ST8SIA2: variants seen among roughly 807,000 people sequenced by gnomAD.
ST8SIA2 encodes the protein alpha-2,8-sialyltransferase 8B.
ST8SIA2 carries 22 observed loss-of-function variants against 37.6 expected under a neutral mutation model. The observed-to-expected ratio is 0.58, with a 90% CI of 0.42 to 0.83. ST8SIA2 has a LOEUF of 0.83. Ranked by LOEUF, ST8SIA2 falls within the 40% of genes least tolerant of loss-of-function variation. The pLI is 0.00. For synonymous variants in ST8SIA2, 205 were observed against 201.2 expected (o/e 1.02, Z -0.16); for missense variants, 382 against 484.7 (o/e 0.79, Z 1.99).
At chr15:92,419,905 C>T (rs770708029) in intron 1 of ST8SIA2, among the ~76,000 whole-genome samples, 1 of 152,142 alleles carries the variant, frequency 6.6e-6, no homozygotes, top group Non-Finnish European at 1.5e-5. Context: ...CTCGCTCTGT[C>T]GCCAGGCTGG....
In ST8SIA2 at chr15:92,464,525, T is replaced by C; in HGVS notation, c.*140T>C. 1.2e-6 allele frequency: 1 copy of C among 853,628 alleles called. No homozygotes were observed. The highest frequency in any genetic ancestry group is 1.9e-6 in the Non-Finnish European group (1 of 521,092). 52.9% of individuals were successfully genotyped at this position (853,628 alleles called of 1,614,324 possible). Reference sequence around the variant, plus strand: ...AAAGTGTAAAACAGTGACCAGAATATATATATCTATACCTGCATATATATA... The same window carrying C: ...AAAGTGTAAAACAGTGACCAGAATACATATATCTATACCTGCATATATATA... On this transcript the variant is annotated 3_prime_UTR_variant, in exon 6 of 6. Transcript: ENST00000268164.
At chr15:92,408,748 C>T (rs1255075635) in intron 1 of ST8SIA2, among the ~76,000 whole-genome samples, 1 of 151,670 alleles carries the variant, frequency 6.6e-6, no homozygotes, top group Non-Finnish European at 1.5e-5. Context: ...CTCTGTCGCC[C>T]AGGCTGGAGT....
At chr15:92,408,682 TTTATTTATTTA>T (rs2049526762) in intron 1 of ST8SIA2, among the ~76,000 whole-genome samples, 1 of 101,164 alleles carries the variant, frequency 9.9e-6, no homozygotes, top group East Asian at 6.9e-4. Flanking sequence ...ATTTTTTTTA[TTTATTTATTTA>T]TTTATTTATT....
rs571040821 is a variant in ST8SIA2, at chr15:92,444,524, C to T, written c.549-112C>T. The stretch of plus-strand genomic sequence containing the variant: ...GTGAGTGTGGAGAGATGCCCTGGGT[C>T]TTTGTTTGGGGATGAGAAAGAAGCA... On this transcript the variant is annotated intron_variant, in intron 4 of 5. Transcript: ENST00000268164. 13 of 1,358,748 alleles carry T rather than the reference C, an allele frequency of 9.6e-6. No homozygotes were observed. In the Admixed American group the frequency reaches 2.3e-4, roughly 24 times the overall value. The allele number at this position is 1,358,748 out of a possible 1,614,324, so 84.2% of individuals were successfully genotyped here.
intron 1 of ST8SIA2, among the ~76,000 whole-genome samples, chr15:92,417,982 G>T (rs996730214): frequency 3.9e-5 from 6 of 152,102 alleles, no homozygotes; most frequent in African/African-American, 1.4e-4. Flanking sequence ...CATATATTTA[G>T]GCAGGAGGTG....
intron 5 of ST8SIA2, among the ~76,000 whole-genome samples, chr15:92,458,910 TG>T (rs1329233919): frequency 6.6e-6 from 1 of 152,184 alleles, no homozygotes; most frequent in Non-Finnish European, 1.5e-5. Flanking sequence ...ACAGTCTGAC[TG>T]GGGAGATGAC....
intron 1 of ST8SIA2, among the ~76,000 whole-genome samples, chr15:92,398,705 G>A (rs958725945): frequency 1.3e-5 from 2 of 152,212 alleles, no homozygotes; most frequent in Non-Finnish European, 2.9e-5. Flanking sequence ...CCGAGGCCTG[G>A]AGAGGTTGTA....
intron 5 of ST8SIA2, chr15:92,445,209 A>G (rs976861105): frequency 9.3e-6 from 5 of 535,856 alleles, no homozygotes; most frequent in Non-Finnish European, 1.7e-5. Context: ...TTGAGGCTCA[A>G]TGGGAACAGA....
chr15:92,442,565 T>G (rs1174491124), intron 4 of ST8SIA2, among the ~76,000 whole-genome samples: 4 of 152,172 alleles, frequency 2.6e-5, no homozygotes, highest in Non-Finnish European at 5.9e-5. Context: ...GACCCAGAGC[T>G]TGGCCTAGAA....
intron 1 of ST8SIA2, among the ~76,000 whole-genome samples, chr15:92,414,874 G>C (rs2049575704): frequency 6.6e-6 from 1 of 152,228 alleles, no homozygotes. Context: ...AGTCAACATG[G>C]CTGGAGTTAA....
intron 5 of ST8SIA2, among the ~76,000 whole-genome samples, chr15:92,446,441 T>A (rs1467994918): frequency 2.6e-5 from 4 of 152,186 alleles, no homozygotes; most frequent in Admixed American, 2.6e-4. Context: ...TAGCTTAGAA[T>A]CAAGGGGAGT....
At position 92,468,080 on chromosome 15, in the gene ST8SIA2, TTC is replaced by T. The variant is rs1402089474; in HGVS notation, c.*3697_*3698del. 4.6e-5 allele frequency: 7 copies of T among 152,408 alleles called. No individual in the cohort carries two copies. The South Asian group carries it at 1.2e-3, about 27-fold the overall frequency. The allele number at this position is 152,408 out of a possible 1,614,324, so 9.4% of individuals were successfully genotyped here. A position where few individuals can be genotyped will look rare whatever the true frequency, so the allele number is the denominator to read the frequency against. ...ATTCTTCCCTGTCCTGCCTTGCTAA[TTC>T]TTCCCACTAGCACTAATCTCGACTC... On this transcript the variant is annotated 3_prime_UTR_variant, in exon 6 of 6. Transcript: ENST00000268164.
chr15:92,421,852 G>A (rs995600653), intron 1 of ST8SIA2, among the ~76,000 whole-genome samples: 9 of 152,190 alleles, frequency 5.9e-5, no homozygotes, highest in Admixed American at 1.3e-4. Flanking sequence ...CTACCTTTCC[G>A]TCATGATGGC....
intron 1 of ST8SIA2, among the ~76,000 whole-genome samples, chr15:92,397,593 C>T (rs1217402318): frequency 1.3e-5 from 2 of 152,188 alleles, no homozygotes; most frequent in Non-Finnish European, 2.9e-5. Context: ...AGGCCCTGAT[C>T]AATTCATGCA....
chr15:92,437,954 C>T (rs2049770805), intron 3 of ST8SIA2, among the ~76,000 whole-genome samples: 2 of 152,172 alleles, frequency 1.3e-5, no homozygotes, highest in Non-Finnish European at 2.9e-5. Flanking sequence ...TCTGGGTGTG[C>T]CCCAGACTGT....
chr15:92,458,713 G>A (rs982752743), intron 5 of ST8SIA2, among the ~76,000 whole-genome samples: 3 of 152,206 alleles, frequency 2.0e-5, no homozygotes, highest in Non-Finnish European at 2.9e-5. Context: ...TGGAGCCAGG[G>A]AAGGACACTG....
intron 4 of ST8SIA2, among the ~76,000 whole-genome samples, chr15:92,444,066 T>C (rs750173026): frequency 3.9e-5 from 6 of 152,160 alleles, no homozygotes; most frequent in Non-Finnish European, 7.4e-5. Flanking sequence ...ACAGTTAGCA[T>C]TTATCAAGCT....
At chr15:92,460,255 A>T (rs1395728098) in intron 5 of ST8SIA2, among the ~76,000 whole-genome samples, 7 of 152,172 alleles carry the variant, frequency 4.6e-5, no homozygotes, top group Admixed American at 3.9e-4. Context: ...GTAGCTGCAC[A>T]TTTGAATTAC....
intron 1 of ST8SIA2, among the ~76,000 whole-genome samples, chr15:92,426,391 G>A (rs1243459805): frequency 6.6e-6 from 1 of 152,124 alleles, no homozygotes; most frequent in Non-Finnish European, 1.5e-5. Context: ...CTTCTGAGAG[G>A]CACCAGGCAG....
Sources: allele counts gnomAD v4.1 joint callset (sites outside exome capture counted in the v4.1 genomes callset), GRCh38; gene constraint gnomAD v4.1.1; transcripts MANE v1.5; gene names NCBI Gene and HGNC (gene_info 2026-07-23, HGNC 2026-07-21).